Variants in HMGCLL1 observed in about 807,000 individuals in gnomAD.
HMGCLL1 encodes 3-hydroxymethyl-3-methylglutaryl-CoA lyase, cytoplasmic.
In HMGCLL1, 36 loss-of-function variants were observed where a neutral mutation model predicts 39.1. The ratio of observed to expected loss-of-function variants is 0.92; its 90% CI spans 0.71 to 1.22. The LOEUF (loss-of-function observed/expected upper bound fraction) is 1.22. HMGCLL1 is among the 50% of genes most tolerant of loss of function. The pLI is 0.00. For missense variants in HMGCLL1, 451 were observed against 416.5 expected (o/e 1.08, Z -0.72); for synonymous variants, 149 against 144.0 (o/e 1.03, Z -0.25).
rs1561951335 is a variant in HMGCLL1, at chr6:55,543,435, T to TAATA, written c.109-1296_109-1295insTATT. On this transcript the variant is annotated intron_variant, in intron 1 of 8. Coordinates refer to ENST00000274901, the MANE Select transcript of HMGCLL1 (RefSeq NM_001042406.2). ...AATCATATATGATATATATCATATATCATATATGATATATATGATATATAT... is the reference window on the plus strand; with the variant it reads ...AATCATATATGATATATATCATATATAATACATATATGATATATATGATATATAT... 5.9e-3 allele frequency among the ~76,000 whole-genome samples: 318 copies of TAATA among 53,690 alleles called. 14 individuals are homozygous for TAATA. The highest frequency in any genetic ancestry group is 0.024 in the African/African-American group (272 of 11,504). The allele number at this position is 53,690 out of a possible 152,430, so 35.2% of individuals were successfully genotyped here. A position where few individuals can be genotyped will look rare whatever the true frequency, so the allele number is the denominator to read the frequency against.
chr6:55,567,723 T>C (rs978743040), intron 1 of HMGCLL1, among the ~76,000 whole-genome samples: 1 of 152,106 alleles, frequency 6.6e-6, no homozygotes. Context: ...GTCTGGGTCA[T>C]GCCCTTGAGA....
At chr6:55,538,635 G>A (rs533212438) in intron 3 of HMGCLL1, among the ~76,000 whole-genome samples, 10 of 152,188 alleles carry the variant, frequency 6.6e-5, no homozygotes, top group African/African-American at 1.4e-4. Flanking sequence ...GTCAATTGCC[G>A]ATGCCAGAGA....
At chr6:55,529,087 C>G (rs1488809223) in intron 3 of HMGCLL1, among the ~76,000 whole-genome samples, 1 of 151,894 alleles carries the variant, frequency 6.6e-6, no homozygotes, top group Non-Finnish European at 1.5e-5. Flanking sequence ...AATAAATATG[C>G]ATTAGTTATT....
chr6:55,612,221 A>G, the HMGCLL1 span, among the ~76,000 whole-genome samples: 1 of 152,106 alleles, frequency 6.6e-6, no homozygotes, highest in African/African-American at 2.4e-5. Flanking sequence ...ATAATAAAAT[A>G]CCTAGATACA....
At chr6:55,546,032 G>C (rs1769946305) in intron 1 of HMGCLL1, among the ~76,000 whole-genome samples, 1 of 152,092 alleles carries the variant, frequency 6.6e-6, no homozygotes, top group Admixed American at 6.6e-5. Context: ...TTGCCTTAGA[G>C]AGAGATACTA....
intron 3 of HMGCLL1, among the ~76,000 whole-genome samples, chr6:55,537,592 C>A (rs1375429442): frequency 1.3e-5 from 2 of 152,154 alleles, no homozygotes; most frequent in African/African-American, 4.8e-5. Flanking sequence ...GTACTGAGCA[C>A]TGGTCAGGAG....
At chr6:55,569,023 G>A (rs1454451444) in intron 1 of HMGCLL1, among the ~76,000 whole-genome samples, 2 of 152,020 alleles carry the variant, frequency 1.3e-5, no homozygotes, top group Admixed American at 6.6e-5. Context: ...TAGGGGGAGG[G>A]AAAGATGTGA....
the HMGCLL1 span, among the ~76,000 whole-genome samples, chr6:55,675,438 T>C: frequency 2.0e-5 from 3 of 152,110 alleles, no homozygotes; most frequent in African/African-American, 7.2e-5. Context: ...AACAATAAAA[T>C]GTTTTCCATT....
intron 3 of HMGCLL1, among the ~76,000 whole-genome samples, chr6:55,522,745 G>A (rs1209881324): frequency 1.3e-5 from 2 of 151,972 alleles, no homozygotes; most frequent in Non-Finnish European, 2.9e-5. Context: ...TTAACTTAAT[G>A]AGAGATTAGT....
rs187004409 is a variant in HMGCLL1 at position 55,517,974 on chromosome 6, C to G, written c.298-1371G>C. On this transcript the variant is annotated intron_variant, in intron 3 of 8. Coordinates refer to ENST00000274901, the MANE Select transcript of HMGCLL1 (RefSeq NM_001042406.2). Reference sequence around the variant, plus strand: ...TCACTTAATTCTATACTATTGTATCCACTATCCCCTGCCTCACCAATTCCC... The same window carrying G: ...TCACTTAATTCTATACTATTGTATCGACTATCCCCTGCCTCACCAATTCCC... 4.0e-3 allele frequency among the ~76,000 whole-genome samples: 613 copies of G among 152,106 alleles called. 5 individuals are homozygous for G. Among genetic ancestry groups the G allele is most frequent in the African/African-American group, 0.014 (585 of 41,520 alleles).
chr6:55,463,907 A>G lies in HMGCLL1; in HGVS notation c.796-24348T>C, dbSNP rs188229350. Among the ~76,000 whole-genome samples the G allele has an allele frequency of 3.9e-5, 6 of 152,342 alleles. No homozygotes were observed. The East Asian group carries it at 9.6e-4, about 24-fold the overall frequency. On this transcript the variant is annotated intron_variant, in intron 7 of 8. Coordinates refer to ENST00000274901, the MANE Select transcript of HMGCLL1 (RefSeq NM_001042406.2). ...TACTTTGTATGCACAGAATCATAAAAAAAATAGGAAGAAAAAATGAGAATA... is the reference window on the plus strand; with the variant it reads ...TACTTTGTATGCACAGAATCATAAAGAAAATAGGAAGAAAAAATGAGAATA...
intron 5 of HMGCLL1, among the ~76,000 whole-genome samples, chr6:55,511,904 G>A (rs910791831): frequency 6.6e-6 from 1 of 152,024 alleles, no homozygotes; most frequent in Non-Finnish European, 1.5e-5. Context: ...ATCCACACTG[G>A]AAAACATACA....
At chr6:55,611,965 C>T in the HMGCLL1 span, among the ~76,000 whole-genome samples, 2 of 151,988 alleles carry the variant, frequency 1.3e-5, no homozygotes, top group East Asian at 1.9e-4. Flanking sequence ...GGCAATCAGG[C>T]CAGAGAAAGA....
rs1199894912 is a variant in HMGCLL1 at position 55,555,648 on chromosome 6, A to G, written c.109-13508T>C. Among the ~76,000 whole-genome samples the G allele has an allele frequency of 3.9e-5, 6 of 152,254 alleles. No homozygotes were observed. The South Asian group carries it at 1.2e-3, about 32-fold the overall frequency. Reference sequence around the variant, plus strand: ...TCAAAGAAGCGATGAACTTTTTGTCAGCCACTTAATAAAGGATGTTCATAT... The same window carrying G: ...TCAAAGAAGCGATGAACTTTTTGTCGGCCACTTAATAAAGGATGTTCATAT... On this transcript the variant is annotated intron_variant, in intron 1 of 8. Coordinates refer to ENST00000274901, the MANE Select transcript of HMGCLL1 (RefSeq NM_001042406.2).
intron 3 of HMGCLL1, among the ~76,000 whole-genome samples, chr6:55,536,001 AG>A (rs1397448893): frequency 1.3e-5 from 2 of 152,196 alleles, no homozygotes; most frequent in Non-Finnish European, 2.9e-5. Context: ...CAGAAGGTAT[AG>A]CCTCCTGCAT....
At chr6:55,545,320 A>G (rs1249296788) in intron 1 of HMGCLL1, among the ~76,000 whole-genome samples, 2 of 152,144 alleles carry the variant, frequency 1.3e-5, no homozygotes, top group East Asian at 3.9e-4. Context: ...CTTTGCATCA[A>G]TGTATTGTAG....
chr6:55,579,103 G>T lies in HMGCLL1; in HGVS notation c.-48C>A. ...GGCGAGGGGAGGGAGACTGGAGGAG[G>T]ATGAGGGGCGGGCACCGCGCTGGGA... is the stretch of plus-strand genomic sequence containing the variant. On this transcript the variant is annotated 5_prime_UTR_variant, in exon 1 of 9. Transcript: ENST00000274901. The T allele has an allele frequency of 7.1e-7, 1 of 1,414,366 alleles. No homozygotes were observed. The highest frequency in any genetic ancestry group is 9.8e-7 in the Non-Finnish European group (1 of 1,015,616). The allele number at this position is 1,414,366 out of a possible 1,614,324, so 87.6% of individuals were successfully genotyped here.
the HMGCLL1 span, among the ~76,000 whole-genome samples, chr6:55,669,335 A>T: frequency 6.6e-6 from 1 of 151,848 alleles, no homozygotes; most frequent in Non-Finnish European, 1.5e-5. Context: ...GAAACAGCTT[A>T]CAAAAGCTGG....
chr6:55,543,823 T>A (rs1490130392), intron 1 of HMGCLL1, among the ~76,000 whole-genome samples: 3 of 151,640 alleles, frequency 2.0e-5, no homozygotes, highest in African/African-American at 7.3e-5. Flanking sequence ...CAGTGAGCAG[T>A]GGTTGTGCCA....
Sources: allele counts gnomAD v4.1 joint callset (sites outside exome capture counted in the v4.1 genomes callset), GRCh38; gene constraint gnomAD v4.1.1; transcripts MANE v1.5; gene names NCBI Gene and HGNC (gene_info 2026-07-23, HGNC 2026-07-21).